FREM3: variants seen among roughly 807,000 people sequenced by gnomAD.
FREM3 encodes FRAS1 related extracellular matrix 3.
In FREM3, 105 loss-of-function variants were observed where a neutral mutation model predicts 129.1. That is an observed-to-expected ratio of 0.81 (90% CI 0.69 to 0.96). The LOEUF is 0.96. FREM3 is among the 40% of genes least tolerant of loss of function. FREM3 has a pLI of 0.00. For missense variants in FREM3, 2,593 were observed against 2,666.3 expected, an observed-to-expected ratio of 0.97 and a Z score of 0.61; for synonymous variants, 1,014 against 1,044.9, an observed-to-expected ratio of 0.97 and a Z score of 0.57.
At chr4:143,614,851 G>A (rs11944169) in intron 5 of FREM3, among the ~76,000 whole-genome samples, 17,100 of 152,166 alleles carry the variant, frequency 0.11, 2,872 homozygotes, top group African/African-American at 0.37. Flanking sequence ...GCATAGAGTA[G>A]GGAAGAGGTG....
intron 2 of FREM3, among the ~76,000 whole-genome samples, chr4:143,663,514 A>G (rs1739784687): frequency 6.6e-6 from 1 of 151,994 alleles, no homozygotes. Context: ...GCTGCCCTTA[A>G]CATTTTTTCC....
intron 6 of FREM3, among the ~76,000 whole-genome samples, chr4:143,593,632 T>C (rs2149835605): frequency 6.6e-6 from 1 of 152,296 alleles, no homozygotes; most frequent in South Asian, 2.1e-4. Context: ...GTGTGAGGTG[T>C]CAGTCCACCC....
At chr4:143,612,666 AG>A (rs1199955086) in intron 5 of FREM3, among the ~76,000 whole-genome samples, 2 of 152,178 alleles carry the variant, frequency 1.3e-5, no homozygotes, top group Non-Finnish European at 2.9e-5. Flanking sequence ...ACTTAAGAGT[AG>A]GATTGCTAGG....
chr4:143,606,487 G>A (rs948067809), intron 6 of FREM3, among the ~76,000 whole-genome samples: 1 of 151,630 alleles, frequency 6.6e-6, no homozygotes, highest in African/African-American at 2.4e-5. Context: ...GTAGCTTTTC[G>A]TTATAGGAAA....
At chr4:143,667,785 G>A (rs1739890504) in intron 2 of FREM3, among the ~76,000 whole-genome samples, 1 of 152,172 alleles carries the variant, frequency 6.6e-6, no homozygotes. Flanking sequence ...AACTCATTGT[G>A]TGAATGAAAC....
At position 143,664,701 on chromosome 4, in the gene FREM3, C is replaced by T. The variant is rs1198125955; in HGVS notation, c.5275+28412G>A. Among the ~76,000 whole-genome samples the T allele has an allele frequency of 5.9e-5, 9 of 152,270 alleles. No individual in the cohort carries two copies. In the East Asian group the frequency reaches 1.7e-3, roughly 29 times the overall value. On this transcript the variant is annotated intron_variant, in intron 2 of 7. Coordinates refer to ENST00000329798, the MANE Select transcript of FREM3 (RefSeq NM_001168235.2). ...GCCCTGCCCCCAGAGGTGGAGCCTA[C>T]AGAGGCAGGCAGGCCTCCTTGAGCT...
chr4:143,693,143 C>G lies in FREM3; in HGVS notation c.5245G>C (p.Asp1749His). Residue 1749 changes from aspartate (D) to histidine (H), a missense_variant, in exon 2 of 8, where the codon GAC (aspartate) becomes CAC (histidine). Transcript: ENST00000329798. The stretch of plus-strand genomic sequence containing the variant: ...TCTTCAACAGAGAAATAGAAGATGT[C>G]CTTTGATGCGTTGCTGCCCTCATTC... ...VLNEGSNASK[D>H]IFYFSVEDNG... 1.3e-6 allele frequency: 2 copies of G among 1,518,646 alleles called. No individual in the cohort carries two copies. The highest frequency in any genetic ancestry group is 2.0e-5 in the Admixed American group (1 of 49,542). 94.1% of individuals were successfully genotyped at this position (1,518,646 alleles called of 1,614,324 possible).
chr4:143,697,682 C>T lies in FREM3; in HGVS notation c.2994G>A (p.Leu998=). The T allele has an allele frequency of 2.6e-6, 4 of 1,537,798 alleles. No homozygotes were observed. The highest frequency in any genetic ancestry group is 1.2e-5 in the South Asian group (1 of 84,054). The change falls in exon 1 of 8, where the codon CTG becomes CTA. Residue 998 remains leucine, a synonymous_variant. Transcript: ENST00000329798. ...ATCGTTCTGTGGGCAAACCATTTAC[C>T]AGAATAGTGCCCAGTTTGGGGCTGT... is the stretch of plus-strand genomic sequence containing the variant. The part of the protein sequence containing the change: ...VKDSPKLGTI[L]VNGLPTERFT...
rs937082053 is a variant in FREM3 at position 143,621,182 on chromosome 4, A to G, written c.5654-20T>C. 2.6e-6 allele frequency: 4 copies of G among 1,536,098 alleles called. No homozygotes were observed. In the African/African-American group the frequency reaches 4.1e-5, roughly 16 times the overall value. The stretch of plus-strand genomic sequence containing the variant: ...TTGATTCTAGAAAAGATGGCAGAAG[A>G]CTTTTCACCAAGATTTAGATTTGAT... On this transcript the variant is annotated intron_variant, in intron 4 of 7. Transcript: ENST00000329798.
In FREM3 at chr4:143,673,099, G is replaced by T. The variant is rs1392521047; in HGVS notation, c.5275+20014C>A. Among the ~76,000 whole-genome samples, 6 of 152,218 alleles carry T rather than the reference G, an allele frequency of 3.9e-5. No individual in the cohort carries two copies. In the South Asian group the frequency reaches 1.0e-3, roughly 26 times the overall value. ...AGCCTTCTTCTCTCAACTCGTCAAA[G>T]TCATTCTCCATCCAGCTTTGTTCCA... On this transcript the variant is annotated intron_variant, in intron 2 of 7. Transcript: ENST00000329798.
At chr4:143,598,475 A>AT (rs1738520416) in intron 6 of FREM3, among the ~76,000 whole-genome samples, 1 of 152,156 alleles carries the variant, frequency 6.6e-6, no homozygotes, top group Non-Finnish European at 1.5e-5. Flanking sequence ...TGAGATTGTT[A>AT]GTGCTCAGTG....
chr4:143,619,854 C>A (rs1738915643), intron 5 of FREM3, among the ~76,000 whole-genome samples: 1 of 151,672 alleles, frequency 6.6e-6, no homozygotes. Flanking sequence ...TGTTTACAAA[C>A]AATGTTGTGG....
chr4:143,588,907 C>A (rs972343588), intron 6 of FREM3, among the ~76,000 whole-genome samples: 29 of 150,784 alleles, frequency 1.9e-4, no homozygotes, highest in Admixed American at 5.9e-4. Context: ...CAGCACCTGT[C>A]GTTTCCTGAC....
intron 6 of FREM3, among the ~76,000 whole-genome samples, chr4:143,606,284 T>C (rs1412123103): frequency 6.6e-6 from 1 of 152,142 alleles, no homozygotes. Context: ...ATCTACTTTT[T>C]GGCTATGTGC....
chr4:143,585,908 A>G lies in FREM3; in HGVS notation c.6114T>C (p.Thr2038=). 3.3e-6 allele frequency: 5 copies of G among 1,537,436 alleles called. No individual in the cohort carries two copies. The highest frequency in any genetic ancestry group is 4.4e-6 in the Non-Finnish European group (5 of 1,146,956). Residue 2038 remains threonine, a synonymous_variant, in exon 7 of 8, where the codon ACT becomes ACC. Transcript: ENST00000329798. This position sits in a 1 kb window ranked among gnomAD's most constrained non-coding sequence, Gnocchi z 4.2. The stretch of plus-strand genomic sequence containing the variant: ...CGATGGATGATGGTTGGGAAAGATC[A>G]GTGCCTCTTCTCCAAACACAAACCT... The part of the protein sequence containing the change: ...YVEVCVWRRG[T]DLSQPSSIAV...
chr4:143,595,771 C>T lies in FREM3; in HGVS notation c.6029-9778G>A, dbSNP rs193088640. Among the ~76,000 whole-genome samples, 145 of 151,556 alleles carry T rather than the reference C, an allele frequency of 9.6e-4. 2 individuals are homozygous for T. The highest frequency in any genetic ancestry group is 3.4e-3 in the African/African-American group (139 of 41,324). On this transcript the variant is annotated intron_variant, in intron 6 of 7. Transcript: ENST00000329798. ...GGTGTGGTGGCAGGCTCCTGTAGTC[C>T]CAGTTACTTGGGAGGCTGAGGCAGA...
At chr4:143,630,418 T>A (rs1739116012) in intron 2 of FREM3, among the ~76,000 whole-genome samples, 1 of 152,182 alleles carries the variant, frequency 6.6e-6, no homozygotes, top group South Asian at 2.1e-4. Flanking sequence ...ATTTTAACAT[T>A]TTTCTTTTTA....
At chr4:143,649,042 G>C (rs959241576) in intron 2 of FREM3, among the ~76,000 whole-genome samples, 5 of 152,138 alleles carry the variant, frequency 3.3e-5, no homozygotes, top group Non-Finnish European at 5.9e-5. Context: ...GGGATCACAG[G>C]TATAAACTAC....
intron 2 of FREM3, among the ~76,000 whole-genome samples, chr4:143,661,493 G>T (rs565067292): frequency 2.0e-4 from 30 of 151,818 alleles, no homozygotes; most frequent in Middle Eastern, 3.2e-3. Flanking sequence ...CTGTTTGCCA[G>T]TATTTTATTG....
Sources: allele counts gnomAD v4.1 joint callset (sites outside exome capture counted in the v4.1 genomes callset), GRCh38; gene constraint gnomAD v4.1.1; non-coding constraint Gnocchi (gnomAD v3.1); transcripts MANE v1.5; gene names NCBI Gene and HGNC (gene_info 2026-07-23, HGNC 2026-07-21).